Variants in TTLL1 observed in about 807,000 individuals in gnomAD.
TTLL1 encodes the protein polyglutamylase complex subunit TTLL1.
Under a neutral mutation model 47.8 loss-of-function variants are expected in TTLL1, and 33 were observed. The observed-to-expected ratio is 0.69, with a 90% CI of 0.52 to 0.92. The LOEUF (loss-of-function observed/expected upper bound fraction) is 0.92, where lower values mean the gene tolerates loss of function less well. Ranked by LOEUF, TTLL1 falls within the 40% of genes least tolerant of loss-of-function variation. The pLI, the probability that TTLL1 is intolerant of heterozygous loss-of-function variation, is 0.00. For missense variants in TTLL1, 488 were observed against 547.5 expected (o/e 0.89, Z 1.08); for synonymous variants, 225 against 214.1 (o/e 1.05, Z -0.45).
chr22:43,042,724 T>C (rs1925786086), intron 10 of TTLL1, among the ~76,000 whole-genome samples: 1 of 152,122 alleles, frequency 6.6e-6, no homozygotes, highest in African/African-American at 2.4e-5. Context: ...CTGCTGCTGG[T>C]GGCTGCACCT....
chr22:43,074,875 A>C (rs1382515568), intron 3 of TTLL1, among the ~76,000 whole-genome samples: 1 of 151,920 alleles, frequency 6.6e-6, no homozygotes, highest in Non-Finnish European at 1.5e-5. Flanking sequence ...CCCTGTCTCT[A>C]CAAAAAAAGA....
chr22:43,068,342 A>C, intron 5 of TTLL1, 68 bp downstream of exon 5: 1 of 1,329,334 alleles, frequency 7.5e-7, no homozygotes, highest in South Asian at 2.2e-5. Context: ...AAACCCACAA[A>C]GACTGCGAAC....
At position 43,065,494 on chromosome 22, in the gene TTLL1, C is replaced by T. The variant is rs200701280; in HGVS notation, c.504-1170G>A. On this transcript the variant is annotated intron_variant, in intron 5 of 10. Coordinates refer to ENST00000266254, the MANE Select transcript of TTLL1 (RefSeq NM_012263.5). ...TAGTAGAGACAGGATTTTGCCATGT[C>T]GGCCAGGCTAGTCTCAAACTCCTGA... 8.5e-5 allele frequency among the ~76,000 whole-genome samples: 13 copies of T among 152,092 alleles called. No individual in the cohort carries two copies. The East Asian group carries it at 1.8e-3, about 21-fold the overall frequency.
At chr22:43,043,871 G>C (rs1925894599) in intron 10 of TTLL1, among the ~76,000 whole-genome samples, 1 of 152,034 alleles carries the variant, frequency 6.6e-6, no homozygotes, top group Non-Finnish European at 1.5e-5. Flanking sequence ...TGGAGAGCCA[G>C]GCTCCTAGTT....
chr22:43,064,191 T>C lies in TTLL1; in HGVS notation c.637A>G (p.Met213Val). 2 of 1,607,382 alleles carry C rather than the reference T, an allele frequency of 1.2e-6. No homozygotes were observed. Among genetic ancestry groups the C allele is most frequent in the South Asian group, 2.2e-5 (2 of 89,000 alleles). The change falls in exon 6 of 11, where the codon ATG becomes GTG. Residue 213 changes from methionine (M) to valine (V), a missense_variant and splice_region_variant. Physicochemically the swap from Met to Val is conservative, Grantham distance 21. Coordinates refer to ENST00000266254, the MANE Select transcript of TTLL1 (RefSeq NM_012263.5). ...AACCAAAACCTTAGGGACGCTTACA[T>C]GTAACAGCGCAGTGGACGGTACGTG... ...VSTYRPLRCY[M>V]YKLGFCRFCT...
chr22:43,058,769 A>G (rs1927195857), intron 8 of TTLL1, among the ~76,000 whole-genome samples: 1 of 151,638 alleles, frequency 6.6e-6, no homozygotes, highest in African/African-American at 2.4e-5. Context: ...ATCGCGGCTC[A>G]CTGCAACCTC....
At chr22:43,065,792 G>A (rs894364931) in intron 5 of TTLL1, among the ~76,000 whole-genome samples, 1 of 152,004 alleles carries the variant, frequency 6.6e-6, no homozygotes, top group African/African-American at 2.4e-5. Context: ...GATAAGGGGG[G>A]AGGCCGTGCA....
At chr22:43,088,324 C>CTTTTTTTTTTTTTTTTTTTTTTTT (rs1167618669) in intron 1 of TTLL1, among the ~76,000 whole-genome samples, 1 of 56,468 alleles carries the variant, frequency 1.8e-5, no homozygotes, top group Non-Finnish European at 3.1e-5. Context: ...AAGGGCCCAT[C>CTTTTTTTTTTTTTTTTTTTTTTTT]TTTTTTTTTT....
intron 10 of TTLL1, among the ~76,000 whole-genome samples, chr22:43,044,298 C>A (rs533535602): frequency 6.6e-6 from 1 of 152,246 alleles, no homozygotes; most frequent in East Asian, 1.9e-4. Context: ...CCTGTAGAGG[C>A]CCCGAGGTTG....
At chr22:43,078,695 A>G (rs929323747) in intron 2 of TTLL1, among the ~76,000 whole-genome samples, 2 of 152,074 alleles carry the variant, frequency 1.3e-5, no homozygotes, top group Admixed American at 1.3e-4. Context: ...GTCAATGAGC[A>G]ATAAACAGAA....
At position 43,046,394 on chromosome 22, in the gene TTLL1, TCACA is replaced by T; in HGVS notation, c.1142+12_1142+15del. On this transcript the variant is annotated intron_variant, in intron 10 of 10. Coordinates refer to ENST00000266254, the MANE Select transcript of TTLL1 (RefSeq NM_012263.5). The stretch of plus-strand genomic sequence containing the variant: ...GAAACACAGAAGGACAAGCGCACAG[TCACA>T]CACACACTTACAGAATCTCGTAATT... The T allele has an allele frequency of 6.2e-7, 1 of 1,613,458 alleles. No individual in the cohort carries two copies. The highest frequency in any genetic ancestry group is 8.5e-7 in the Non-Finnish European group (1 of 1,179,668).
In TTLL1 at chr22:43,073,459, C is replaced by A. The variant is rs1482920908; in HGVS notation, c.113+2015G>T. ...GCAACCTCTGCCTCCCAGGTTGAGG[C>A]CATTTGCCTGCCTCAGCCTCCCGGG... On this transcript the variant is annotated intron_variant, in intron 3 of 10. Coordinates refer to ENST00000266254, the MANE Select transcript of TTLL1 (RefSeq NM_012263.5). Among the ~76,000 whole-genome samples, 6 of 151,760 alleles carry A rather than the reference C, an allele frequency of 4.0e-5. No individual in the cohort carries two copies. The South Asian group carries it at 1.0e-3, about 26-fold the overall frequency.
intron 1 of TTLL1, among the ~76,000 whole-genome samples, chr22:43,085,793 G>GC (rs2146997616): frequency 6.6e-6 from 1 of 152,268 alleles, no homozygotes; most frequent in Non-Finnish European, 1.5e-5. Context: ...CCTGTGGACA[G>GC]CCTACACGCT....
intron 8 of TTLL1, among the ~76,000 whole-genome samples, chr22:43,054,903 T>C (rs960831544): frequency 9.9e-5 from 15 of 151,060 alleles, no homozygotes; most frequent in African/African-American, 3.7e-4. Context: ...TTTTTGTATT[T>C]TTAGTAGAGA....
chr22:43,055,943 C>T (rs984409096), intron 8 of TTLL1, among the ~76,000 whole-genome samples: 1 of 151,102 alleles, frequency 6.6e-6, no homozygotes, highest in Non-Finnish European at 1.5e-5. Flanking sequence ...GGAGGTCTCG[C>T]TATATTGCCC....
At chr22:43,086,006 G>A (rs538948888) in intron 1 of TTLL1, among the ~76,000 whole-genome samples, 22 of 152,150 alleles carry the variant, frequency 1.4e-4, no homozygotes, top group Admixed American at 3.3e-4. Context: ...GTGATCCACC[G>A]GGCCACGCCC....
chr22:43,052,094 A>T (rs1476274611), intron 8 of TTLL1: 1 of 575,934 alleles, frequency 1.7e-6, no homozygotes, highest in African/African-American at 1.9e-5. Context: ...TGATAGAGGG[A>T]ATTGATGAAG....
intron 8 of TTLL1, among the ~76,000 whole-genome samples, chr22:43,055,716 C>G (rs557118483): frequency 3.3e-5 from 5 of 152,088 alleles, no homozygotes; most frequent in African/African-American, 1.2e-4. Flanking sequence ...TCAAGCAATC[C>G]TCCTGTCTCA....
At chr22:43,068,616 G>T in intron 4 of TTLL1, 26 bp from the exon 5 acceptor site, 1 of 1,424,522 alleles carries the variant, frequency 7.0e-7, no homozygotes, top group Non-Finnish European at 9.3e-7. Flanking sequence ...ACCCAGCACT[G>T]GTAAGCAGCC....
Sources: allele counts gnomAD v4.1 joint callset (sites outside exome capture counted in the v4.1 genomes callset), GRCh38; gene constraint gnomAD v4.1.1; transcripts MANE v1.5; gene names NCBI Gene and HGNC (gene_info 2026-07-23, HGNC 2026-07-21).